ACSM4: variants seen among roughly 807,000 people sequenced by gnomAD.
ACSM4 encodes the protein acyl-CoA synthetase medium chain family member 4.
In ACSM4, 66 loss-of-function variants were observed where a neutral mutation model predicts 73.0. The ratio of observed to expected loss-of-function variants is 0.90; its 90% confidence interval spans 0.74 to 1.11. The LOEUF is 1.11. ACSM4 is among the 50% of genes least tolerant of loss of function. ACSM4 has a pLI of 0.00. For missense variants in ACSM4, 645 were observed against 714.4 expected, an observed-to-expected ratio of 0.90 and a Z score of 1.11; for synonymous variants, 222 against 254.0, an observed-to-expected ratio of 0.87 and a Z score of 1.20.
At chr12:7,327,737 A>C (rs1455084717) in intron 12 of ACSM4, among the ~76,000 whole-genome samples, 1 of 143,798 alleles carries the variant, frequency 7.0e-6, no homozygotes, top group Non-Finnish European at 1.6e-5. Context: ...AATTCACTAA[A>C]TCATTGACTA....
At chr12:7,305,656 C>T (rs1213479855) in intron 1 of ACSM4, among the ~76,000 whole-genome samples, 2 of 152,180 alleles carry the variant, frequency 1.3e-5, no homozygotes, top group Non-Finnish European at 1.5e-5. Context: ...GGAAGAGACA[C>T]ATCTGTCATA....
chr12:7,319,153 G>A (rs1005163934), intron 5 of ACSM4, among the ~76,000 whole-genome samples: 7 of 152,284 alleles, frequency 4.6e-5, no homozygotes, highest in Admixed American at 1.3e-4. Context: ...GGGAGATAGT[G>A]ACAGATCATC....
rs754088875 is a variant in ACSM4, at chr12:7,304,393, G to A, written c.62G>A (p.Arg21Gln). 54 of 1,613,860 alleles carry A rather than the reference G, an allele frequency of 3.3e-5. No individual in the cohort carries two copies. The Admixed American group carries it at 3.5e-4, about 10-fold the overall frequency. Residue 21 changes from arginine to glutamine, a missense_variant, in exon 1 of 13, where the codon CGG becomes CAG. Physicochemically the swap from Arg to Gln is conservative, Grantham distance 43. Coordinates refer to ENST00000399422, the MANE Select transcript of ACSM4 (RefSeq NM_001080454.2). ...RFIWLTKPPG[R>Q]RLHKDHQLWT... ...ATCTGGCTCACCAAGCCACCTGGCC[G>A]GCGCTTACACAAAGATCACCAGCTT...
rs1946349238 is a variant in ACSM4, at chr12:7,304,355, G to A, written c.24G>A (p.Gln8=). The A allele has an allele frequency of 6.2e-7, 1 of 1,613,894 alleles. No homozygotes were observed. Among genetic ancestry groups the A allele is most frequent in the Non-Finnish European group, 8.5e-7 (1 of 1,179,836 alleles). The change falls in exon 1 of 13, where the codon CAG becomes CAA. Residue 8 remains glutamine (Q), a synonymous_variant. Coordinates refer to ENST00000399422, the MANE Select transcript of ACSM4 (RefSeq NM_001080454.2). MKIFFRY[Q]TFRFIWLTKP... ...CCATGAAGATTTTTTTCCGCTACCA[G>A]ACATTTAGATTCATCTGGCTCACCA...
At position 7,310,321 on chromosome 12, in the gene ACSM4, G is replaced by A. The variant is rs1005496465; in HGVS notation, c.413-218G>A. 5.9e-5 allele frequency among the ~76,000 whole-genome samples: 9 copies of A among 152,156 alleles called. No homozygotes were observed. The East Asian group carries it at 7.7e-4, about 13-fold the overall frequency. ...GGTCATAAAGCTTGTAAATTGCAAG[G>A]GCAGGATTAGACCCATGGTCTGTCA... On this transcript the variant is annotated intron_variant, in intron 2 of 12. Transcript: ENST00000399422.
intron 5 of ACSM4, among the ~76,000 whole-genome samples, chr12:7,319,994 T>C (rs1946447537): frequency 6.6e-6 from 1 of 152,226 alleles, no homozygotes; most frequent in Admixed American, 6.5e-5. Context: ...GTAGAAATGC[T>C]TACTTACCGA....
chr12:7,324,561 C>G lies in ACSM4; in HGVS notation c.1499C>G (p.Ser500Trp). The G allele has an allele frequency of 6.2e-7, 1 of 1,613,892 alleles. No homozygotes were observed. Among genetic ancestry groups the G allele is most frequent in the Non-Finnish European group, 8.5e-7 (1 of 1,179,846 alleles). Residue 500 changes from serine (S) to tryptophan (W), a missense_variant, in exon 11 of 13, where the codon TCG becomes TGG. Physicochemically the swap from Ser to Trp is radical, Grantham distance 177. Coordinates refer to ENST00000399422, the MANE Select transcript of ACSM4 (RefSeq NM_001080454.2). The stretch of plus-strand genomic sequence containing the variant: ...ATTGAGCATCCAGCAGTTGTTGAAT[C>G]GGCTGTTGTCAGTAGTCCAGATCAA... Reference protein sequence around the residue: ...ALIEHPAVVESAVVSSPDQIR... With the variant: ...ALIEHPAVVEWAVVSSPDQIR...
Position 7,310,542 on chromosome 12 carries a change from T to C in ACSM4, c.416T>C (p.Ile139Thr). 6.2e-7 allele frequency: 1 copy of C among 1,603,822 alleles called. No individual in the cohort carries two copies. Among genetic ancestry groups the C allele is most frequent in the South Asian group, 1.1e-5 (1 of 89,066 alleles). The stretch of plus-strand genomic sequence containing the variant: ...CAGGGCCCTCTGTCCTTCCCAGGGA[T>C]CATCTTCATGCCGGGAACAATCCAG... ...LVNVACIRTG[I>T]IFMPGTIQLT... The change falls in exon 3 of 13, where the codon ATC becomes ACC. Residue 139 changes from isoleucine to threonine, a missense_variant. Coordinates refer to ENST00000399422, the MANE Select transcript of ACSM4 (RefSeq NM_001080454.2).
At position 7,304,610 on chromosome 12, in the gene ACSM4, A is replaced by G. The variant is rs772447109; in HGVS notation, c.201+78A>G. 5 of 1,463,404 alleles carry G rather than the reference A, an allele frequency of 3.4e-6. No individual in the cohort carries two copies. The African/African-American group carries it at 7.0e-5, about 21-fold the overall frequency. The allele number at this position is 1,463,404 out of a possible 1,614,324, so 90.7% of individuals were successfully genotyped here. A position where few individuals can be genotyped will look rare whatever the true frequency, so the allele number is the denominator to read the frequency against. ...CTTCCATTTCCTTGTTCTGTGGTCT[A>G]CCACTTAATTCCAATGCACTCTCTC... On this transcript the variant is annotated intron_variant, in intron 1 of 12. Coordinates refer to ENST00000399422, the MANE Select transcript of ACSM4 (RefSeq NM_001080454.2).
rs1167085307 is a variant in ACSM4 at position 7,323,318 on chromosome 12, G to A, written c.1206+4G>A. The A allele has an allele frequency of 6.2e-7, 1 of 1,609,634 alleles. No individual in the cohort carries two copies. Among genetic ancestry groups the A allele is most frequent in the Non-Finnish European group, 8.5e-7 (1 of 1,177,890 alleles). On this transcript the variant is annotated splice_donor_region_variant and intron_variant, in intron 8 of 12. Transcript: ENST00000399422. ...AATGCTGCCCTATGATGTCCAGGTA[G>A]GTTGAGAAAATATCTGACTGGTTCA...
rs1946384258 is a variant in ACSM4, at chr12:7,310,529, T to C, written c.413-10T>C. ...GTTCTGTTCAGTGCAGGGCCCTCTG[T>C]CCTTCCCAGGGATCATCTTCATGCC... On this transcript the variant is annotated splice_polypyrimidine_tract_variant and intron_variant, in intron 2 of 12. Transcript: ENST00000399422. 1 of 1,597,926 alleles carries C rather than the reference T, an allele frequency of 6.3e-7. No homozygotes were observed. Among genetic ancestry groups the C allele is most frequent in the Non-Finnish European group, 8.5e-7 (1 of 1,174,056 alleles).
At chr12:7,305,864 T>C (rs1431544184) in intron 1 of ACSM4, among the ~76,000 whole-genome samples, 1 of 152,158 alleles carries the variant, frequency 6.6e-6, no homozygotes, top group African/African-American at 2.4e-5. Flanking sequence ...TTTTTCCAGG[T>C]AATACATAAG....
intron 11 of ACSM4, among the ~76,000 whole-genome samples, chr12:7,325,896 G>A (rs994632251): frequency 6.6e-6 from 1 of 152,152 alleles, no homozygotes; most frequent in Admixed American, 6.5e-5. Context: ...GTGAGCCTCT[G>A]TAGTGACACT....
Position 7,304,456 on chromosome 12 carries a change from A to C in ACSM4, c.125A>C (p.Asn42Thr). 1 of 1,613,976 alleles carries C rather than the reference A, an allele frequency of 6.2e-7. No homozygotes were observed. The highest frequency in any genetic ancestry group is 8.5e-7 in the Non-Finnish European group (1 of 1,179,858). The change falls in exon 1 of 13, where the codon AAT (asparagine) becomes ACT (threonine). Residue 42 changes from asparagine to threonine, a missense_variant. Transcript: ENST00000399422. ...PLTLADFEAI[N>T]RCNRPLPKNF... ...ACTCTTGCTGACTTTGAAGCCATAA[A>C]TCGCTGTAACAGGCCATTGCCTAAA...
Position 7,304,462 on chromosome 12 carries a change from G to T in ACSM4, c.131G>T (p.Cys44Phe), listed in dbSNP as rs779540328. The change falls in exon 1 of 13, where the codon TGT becomes TTT. Residue 44 changes from cysteine to phenylalanine, a missense_variant. Cys to Phe is a radical substitution (Grantham distance 205). Coordinates refer to ENST00000399422, the MANE Select transcript of ACSM4 (RefSeq NM_001080454.2). Reference sequence around the variant, plus strand: ...GCTGACTTTGAAGCCATAAATCGCTGTAACAGGCCATTGCCTAAAAACTTT... The same window carrying T: ...GCTGACTTTGAAGCCATAAATCGCTTTAACAGGCCATTGCCTAAAAACTTT... ...TLADFEAINR[C>F]NRPLPKNFNF... The T allele has an allele frequency of 6.2e-7, 1 of 1,613,996 alleles. No individual in the cohort carries two copies.
At chr12:7,320,689 C>A in intron 5 of ACSM4, 36 bp from the exon 6 acceptor site, 1 of 1,563,138 alleles carries the variant, frequency 6.4e-7, no homozygotes, top group African/African-American at 1.4e-5. Flanking sequence ...CTTTGAATGA[C>A]CACTTCTGAC....
At chr12:7,317,594 A>G (rs1159854395) in intron 4 of ACSM4, among the ~76,000 whole-genome samples, 2 of 152,308 alleles carry the variant, frequency 1.3e-5, no homozygotes, top group East Asian at 1.9e-4. Flanking sequence ...TTGTCACATT[A>G]TCCTATTTTA....
rs759581917 is a variant in ACSM4 at position 7,324,526 on chromosome 12, G to A, written c.1464G>A (p.Glu488=). The part of the protein sequence containing the change: ...SGYRIGPFEV[E]SALIEHPAVV... The stretch of plus-strand genomic sequence containing the variant: ...ACCGTATTGGGCCATTTGAAGTGGA[G>A]AGTGCACTCATTGAGCATCCAGCAG... Residue 488 remains glutamate, a synonymous_variant, in exon 11 of 13, where the codon GAG becomes GAA. Transcript: ENST00000399422. The A allele has an allele frequency of 9.3e-6, 15 of 1,613,868 alleles. No homozygotes were observed. The Admixed American group carries it at 1.8e-4, about 20-fold the overall frequency.
At chr12:7,325,046 G>C (rs1189927972) in intron 11 of ACSM4, among the ~76,000 whole-genome samples, 1 of 152,134 alleles carries the variant, frequency 6.6e-6, no homozygotes, top group Admixed American at 6.5e-5. Context: ...TTCAGGGAAG[G>C]ATACAGCTCT....
Sources: gnomAD v4.1 joint callset for allele counts (sites outside exome capture counted in the v4.1 genomes callset) on GRCh38, gnomAD v4.1.1 for gene constraint, MANE v1.5 for transcripts, NCBI Gene and HGNC (gene_info 2026-07-23, HGNC 2026-07-21) for gene names.